Variants in FAM133A observed in about 807,000 individuals in gnomAD.
The protein encoded by FAM133A is protein FAM133A.
For synonymous variants in FAM133A, 65 were observed against 58.6 expected (o/e 1.11, Z -0.50); for missense variants, 159 against 164.4 (o/e 0.97, Z 0.18).
At chrX:93,678,342 C>A (rs758774888) in intron 2 of FAM133A, among the ~76,000 whole-genome samples, 5 of 111,172 alleles carry the variant, frequency 4.5e-5, no homozygotes, top group East Asian at 5.6e-4. Context: ...CTTAAGGGTG[C>A]CTTTTACTGT....
Position 93,711,867 on chromosome X carries a change from A to T in FAM133A, c.*1701A>T. ...TACATTTATGGGATATTTTGTATCC[A>T]TATAGAGTTTTTCAGAATTGTTCAT... On this transcript the variant is annotated 3_prime_UTR_variant, in exon 4 of 4. Transcript: ENST00000683942. 1 of 123,316 alleles carries T rather than the reference A, an allele frequency of 8.1e-6. No homozygotes were observed. The highest frequency in any genetic ancestry group is 2.8e-4 in the East Asian group (1 of 3,556). The allele number at this position is 123,316 out of a possible 1,213,427, so 10.2% of individuals were successfully genotyped here.
At chrX:93,682,735 C>A (rs756934728) in intron 2 of FAM133A, among the ~76,000 whole-genome samples, 19 of 110,884 alleles carry the variant, frequency 1.7e-4, no homozygotes, top group Admixed American at 1.5e-3. Context: ...CCTGCCTCAG[C>A]CTCCCAAATA....
chrX:93,709,631 A>C lies in FAM133A; in HGVS notation c.212A>C (p.Lys71Thr), dbSNP rs751917972. 134 of 1,192,112 alleles carry C rather than the reference A, an allele frequency of 1.1e-4. No homozygotes were observed. The highest frequency in any genetic ancestry group is 1.5e-4 in the Non-Finnish European group (134 of 889,395). ...GAAAAAATGAATGAAAATTGGAAGA[A>C]AGAACTTGAAAAAAGCAGAGAGAAA... ...FEEKMNENWKKELEKSREKLL... is the reference protein window; with the variant it reads ...FEEKMNENWKTELEKSREKLL... The change falls in exon 4 of 4, where the codon AAA becomes ACA. Residue 71 changes from lysine to threonine, a missense_variant. Physicochemically the swap from Lys to Thr is moderately conservative, Grantham distance 78. Transcript: ENST00000683942.
At chrX:93,701,999 A>T (rs1298607367) in intron 3 of FAM133A, among the ~76,000 whole-genome samples, 1 of 112,264 alleles carries the variant, frequency 8.9e-6, no homozygotes, top group Non-Finnish European at 1.9e-5. Context: ...TGACTCAGTC[A>T]TATCACCTAG....
At chrX:93,706,167 C>A (rs1296281732) in intron 3 of FAM133A, among the ~76,000 whole-genome samples, 3 of 112,265 alleles carry the variant, frequency 2.7e-5, no homozygotes, top group Non-Finnish European at 5.6e-5. Context: ...CAAATCTTTT[C>A]TATTTTTATG....
Position 93,705,984 on chromosome X carries a change from C to T in FAM133A, c.-103-3333C>T, listed in dbSNP as rs1288945222. On this transcript the variant is annotated intron_variant, in intron 3 of 3. Transcript: ENST00000683942. ...TGTGACTATGTACTCTAGGTCTCTA[C>T]ATTCTCACCTTCAATTCAGTCTTTT... 4.5e-5 allele frequency among the ~76,000 whole-genome samples: 5 copies of T among 111,811 alleles called. No homozygotes were observed. In the East Asian group the frequency reaches 1.4e-3, roughly 32 times the overall value.
intron 2 of FAM133A, among the ~76,000 whole-genome samples, chrX:93,685,237 ACCT>A (rs1925434173): frequency 1.8e-5 from 2 of 111,688 alleles, no homozygotes; most frequent in Admixed American, 9.6e-5. Context: ...GACCTTTCTT[ACCT>A]GAAAAATGAA....
rs1569357234 is a variant in FAM133A, at chrX:93,711,351, A to G, written c.*1185A>G. The G allele has an allele frequency of 8.1e-6, 1 of 122,787 alleles. No individual in the cohort carries two copies. The highest frequency in any genetic ancestry group is 3.3e-5 in the African/African-American group (1 of 30,709). The allele number at this position is 122,787 out of a possible 1,213,427, so 10.1% of individuals were successfully genotyped here. A position where few individuals can be genotyped will look rare whatever the true frequency, so the allele number is the denominator to read the frequency against. The stretch of plus-strand genomic sequence containing the variant: ...TTAAGCATTAATATTGAATTTATAT[A>G]GAAGTTAAATGTAGATGATAATGAC... On this transcript the variant is annotated 3_prime_UTR_variant, in exon 4 of 4. Transcript: ENST00000683942.
chrX:93,679,480 T>G (rs1371994481), intron 2 of FAM133A, among the ~76,000 whole-genome samples: 1 of 111,161 alleles, frequency 9.0e-6, no homozygotes, highest in Non-Finnish European at 1.9e-5. Flanking sequence ...TGCATGGAGT[T>G]TAAAAGGGAA....
At chrX:93,701,669 C>A (rs1335461021) in intron 3 of FAM133A, among the ~76,000 whole-genome samples, 2 of 111,459 alleles carry the variant, frequency 1.8e-5, no homozygotes, top group Non-Finnish European at 3.8e-5. Flanking sequence ...TAGTGAGTAT[C>A]CAAAACATAT....
intron 3 of FAM133A, among the ~76,000 whole-genome samples, chrX:93,705,400 T>C (rs1487766109): frequency 9.0e-6 from 1 of 111,701 alleles, no homozygotes; most frequent in Non-Finnish European, 1.9e-5. Flanking sequence ...CAAGAGACTT[T>C]GTTGGTGTTA....
intron 2 of FAM133A, among the ~76,000 whole-genome samples, chrX:93,677,523 T>C (rs1450323506): frequency 1.8e-5 from 2 of 111,777 alleles, no homozygotes; most frequent in African/African-American, 6.5e-5. Context: ...TCTGTGAAAG[T>C]ATCACCACAG....
chrX:93,688,506 C>T (rs1056227329), intron 2 of FAM133A, among the ~76,000 whole-genome samples: 2 of 110,700 alleles, frequency 1.8e-5, no homozygotes, highest in Non-Finnish European at 3.8e-5. Flanking sequence ...GATTATAAAC[C>T]CCTTGAGAGG....
chrX:93,700,434 T>C (rs1453105584), intron 3 of FAM133A, among the ~76,000 whole-genome samples: 1 of 111,696 alleles, frequency 9.0e-6, no homozygotes, highest in Non-Finnish European at 1.9e-5. Context: ...TCAGGTTATA[T>C]ATTTTTGCCA....
Position 93,710,265 on chromosome X carries a change from A to C in FAM133A, c.*99A>C. On this transcript the variant is annotated 3_prime_UTR_variant, in exon 4 of 4. Coordinates refer to ENST00000683942, the MANE Select transcript of FAM133A (RefSeq NM_001171109.2). ...GCCTATCAAATCCCACTGTGCCAGT[A>C]AGGGGCATAGTGGCTGCTGGCAACT... 1 of 981,049 alleles carries C rather than the reference A, an allele frequency of 1.0e-6. No individual in the cohort carries two copies. The highest frequency in any genetic ancestry group is 1.4e-6 in the Non-Finnish European group (1 of 740,177). 80.8% of individuals were successfully genotyped at this position (981,049 alleles called of 1,213,427 possible). A position where few individuals can be genotyped will look rare whatever the true frequency, so the allele number is the denominator to read the frequency against.
intron 2 of FAM133A, among the ~76,000 whole-genome samples, chrX:93,686,883 C>T (rs972687386): frequency 1.8e-5 from 2 of 112,269 alleles, no homozygotes; most frequent in Admixed American, 9.4e-5. Context: ...AGTCTAGACT[C>T]ATTTATCAGA....
chrX:93,685,824 T>C (rs1347854917), intron 2 of FAM133A, among the ~76,000 whole-genome samples: 1 of 111,255 alleles, frequency 9.0e-6, no homozygotes, highest in African/African-American at 3.3e-5. Context: ...AAATTAACCC[T>C]TTTGCCAGGA....
chrX:93,701,190 T>G (rs1926677420), intron 3 of FAM133A, among the ~76,000 whole-genome samples: 1 of 111,983 alleles, frequency 8.9e-6, no homozygotes, highest in African/African-American at 3.2e-5. Flanking sequence ...AGCTAAAATG[T>G]AGATGAAATT....
chrX:93,708,730 A>C (rs1329441422), intron 3 of FAM133A, among the ~76,000 whole-genome samples: 2 of 112,205 alleles, frequency 1.8e-5, no homozygotes, highest in Non-Finnish European at 3.8e-5. Context: ...TAGGTACTAG[A>C]GATTAATAGC....
Sources: gnomAD v4.1 joint callset for allele counts (sites outside exome capture counted in the v4.1 genomes callset) on GRCh38, gnomAD v4.1.1 for gene constraint, MANE v1.5 for transcripts, NCBI Gene and HGNC (gene_info 2026-07-23, HGNC 2026-07-21) for gene names.